The following CNKSR3 variants were observed in gnomAD, a reference collection of about 807,000 sequenced individuals.
The protein encoded by CNKSR3 is connector enhancer of kinase suppressor of ras 3.
Under a neutral mutation model 67.7 loss-of-function variants are expected in CNKSR3, and 36 were observed. The observed-to-expected ratio is 0.53, with a 90% CI of 0.41 to 0.70. CNKSR3 has a LOEUF of 0.70. Among genes scored for constraint, CNKSR3 ranks in the 30% least tolerant of loss-of-function variants. The probability of loss-of-function intolerance (pLI) is 0.00; values close to 1 mark genes in which losing one functional copy is unlikely to be tolerated. For synonymous variants in CNKSR3, 281 were observed against 271.4 expected (o/e 1.04, Z -0.35); for missense variants, 630 against 695.2 (o/e 0.91, Z 1.05).
intron 1 of CNKSR3, among the ~76,000 whole-genome samples, chr6:154,486,264 T>C (rs1048382452): frequency 1.3e-5 from 2 of 151,692 alleles, no homozygotes; most frequent in East Asian, 3.9e-4. Flanking sequence ...TTTAAAAAGG[T>C]ACAACTGTCT....
chr6:154,510,608 T>C lies in CNKSR3; in HGVS notation c.-494A>G, dbSNP rs1305696798. The C allele has an allele frequency of 4.8e-5, 8 of 166,576 alleles. No individual in the cohort carries two copies. The highest frequency in any genetic ancestry group is 1.7e-4 in the African/African-American group (7 of 41,648). The allele number at this position is 166,576 out of a possible 1,614,324, so 10.3% of individuals were successfully genotyped here. ...TCCCACCTCCTGCGCCGCCCTCCCG[T>C]GCCGCCCTGGCAGGGCCGAGCGCAG... On this transcript the variant is annotated 5_prime_UTR_variant, in exon 1 of 13. Transcript: ENST00000607772.
intron 1 of CNKSR3, among the ~76,000 whole-genome samples, chr6:154,507,896 A>G (rs923971448): frequency 1.3e-5 from 2 of 152,228 alleles, no homozygotes; most frequent in South Asian, 4.1e-4. Flanking sequence ...AATACTCAAC[A>G]AACATAACAG....
intron 7 of CNKSR3, among the ~76,000 whole-genome samples, chr6:154,427,464 A>G (rs914856604): frequency 5.9e-5 from 9 of 152,246 alleles, no homozygotes; most frequent in African/African-American, 2.2e-4. Flanking sequence ...GTCTTTCAAA[A>G]GCAAGCCACA....
At chr6:154,484,820 T>C (rs1290589582) in intron 1 of CNKSR3, among the ~76,000 whole-genome samples, 1 of 142,532 alleles carries the variant, frequency 7.0e-6, no homozygotes, top group African/African-American at 2.6e-5. Context: ...ATTGTTACCA[T>C]CTGGATGGAG....
chr6:154,406,547 T>A lies in CNKSR3; in HGVS notation c.1475A>T (p.His492Leu), dbSNP rs566538600. 1.2e-6 allele frequency: 2 copies of A among 1,614,226 alleles called. No individual in the cohort carries two copies. Among genetic ancestry groups the A allele is most frequent in the East Asian group, 4.5e-5 (2 of 44,880 alleles). Reference sequence around the variant, plus strand: ...GATGTAGTCCGCACCCCGGACCAGATGCCGCTCGGTCGTGGGTCTGGAGAA... The same window carrying A: ...GATGTAGTCCGCACCCCGGACCAGAAGCCGCTCGGTCGTGGGTCTGGAGAA... ...YRFSRPTTERHLVRGADYIRG... is the reference protein window; with the variant it reads ...YRFSRPTTERLLVRGADYIRG... The change falls in exon 13 of 13, where the codon CAT (histidine) becomes CTT (leucine). Residue 492 changes from histidine (H) to leucine (L), a missense_variant. Coordinates refer to ENST00000607772, the MANE Select transcript of CNKSR3 (RefSeq NM_173515.4).
At chr6:154,423,033 C>A (rs1584066747) in intron 7 of CNKSR3, 50 bp from the exon 8 acceptor site, 2 of 1,202,382 alleles carry the variant, frequency 1.7e-6, no homozygotes, top group East Asian at 2.4e-5. Flanking sequence ...CCTTCTATTT[C>A]TTTCTGCTTT....
At chr6:154,471,608 G>C (rs1364963286) in intron 1 of CNKSR3, among the ~76,000 whole-genome samples, 1 of 152,082 alleles carries the variant, frequency 6.6e-6, no homozygotes. Flanking sequence ...TGTCTCCCAG[G>C]GCCTGCTTAT....
intron 7 of CNKSR3, among the ~76,000 whole-genome samples, chr6:154,427,315 G>T (rs1785276627): frequency 6.6e-6 from 1 of 152,148 alleles, no homozygotes; most frequent in Non-Finnish European, 1.5e-5. Context: ...GATTAGAAAA[G>T]CAGCTACTAA....
intron 1 of CNKSR3, among the ~76,000 whole-genome samples, chr6:154,482,133 T>C (rs1786579159): frequency 6.6e-6 from 1 of 152,214 alleles, no homozygotes; most frequent in Non-Finnish European, 1.5e-5. Context: ...CTTTGTAAAA[T>C]TATGAAACAA....
chr6:154,454,544 T>C (rs1469184168), intron 1 of CNKSR3, among the ~76,000 whole-genome samples: 3 of 152,090 alleles, frequency 2.0e-5, no homozygotes, highest in Non-Finnish European at 4.4e-5. Flanking sequence ...AATTTGTTGT[T>C]TGTTTGTTTG....
intron 1 of CNKSR3, among the ~76,000 whole-genome samples, chr6:154,492,674 A>T (rs1485141323): frequency 4.6e-5 from 7 of 151,242 alleles, no homozygotes; most frequent in Admixed American, 2.6e-4. Context: ...TGAACCCAGG[A>T]GACGGAGACT....
At chr6:154,487,060 TGC>T (rs1229315241) in intron 1 of CNKSR3, among the ~76,000 whole-genome samples, 1 of 151,584 alleles carries the variant, frequency 6.6e-6, no homozygotes, top group Non-Finnish European at 1.5e-5. Flanking sequence ...TACAGGCACG[TGC>T]CACCACACCC....
intron 4 of CNKSR3, 85 bp downstream of exon 4, chr6:154,441,207 T>A (rs1785573276): frequency 1.0e-6 from 1 of 954,284 alleles, no homozygotes; most frequent in Non-Finnish European, 1.5e-6. Flanking sequence ...TAGTACTTCA[T>A]ACCTGCATGA....
At chr6:154,433,655 G>A in intron 4 of CNKSR3, 148 bp from the exon 5 acceptor site, 1 of 625,962 alleles carries the variant, frequency 1.6e-6, no homozygotes, top group Non-Finnish European at 2.9e-6. Context: ...ACTGGGATGG[G>A]AATGAGAGGG....
chr6:154,474,381 C>T (rs1165832729), intron 1 of CNKSR3, among the ~76,000 whole-genome samples: 1 of 150,268 alleles, frequency 6.7e-6, no homozygotes, highest in Non-Finnish European at 1.5e-5. Context: ...CCACTGCACT[C>T]CAGCCCGGGT....
At chr6:154,495,299 T>C (rs1411088047) in intron 1 of CNKSR3, among the ~76,000 whole-genome samples, 2 of 152,056 alleles carry the variant, frequency 1.3e-5, no homozygotes, top group African/African-American at 4.8e-5. Flanking sequence ...GAGATTGGTA[T>C]CTGTAAATTG....
At chr6:154,430,418 A>G in intron 6 of CNKSR3, 54 bp downstream of exon 6, 2 of 1,513,914 alleles carry the variant, frequency 1.3e-6, no homozygotes, top group Non-Finnish European at 1.8e-6. Context: ...TTAAAAATTT[A>G]GTAAATGATG....
At chr6:154,468,315 A>G (rs942494051) in intron 1 of CNKSR3, among the ~76,000 whole-genome samples, 15 of 150,770 alleles carry the variant, frequency 9.9e-5, no homozygotes, top group African/African-American at 3.2e-4. Flanking sequence ...CTTGGCCTCA[A>G]GCAGTCCACC....
intron 1 of CNKSR3, among the ~76,000 whole-genome samples, chr6:154,509,036 C>A (rs938617667): frequency 6.6e-6 from 1 of 151,140 alleles, no homozygotes; most frequent in Non-Finnish European, 1.5e-5. Flanking sequence ...CTGTAAAGCG[C>A]TACACAATTC....
Sources: gnomAD v4.1 joint callset for allele counts (sites outside exome capture counted in the v4.1 genomes callset) on GRCh38, gnomAD v4.1.1 for gene constraint, MANE v1.5 for transcripts, NCBI Gene and HGNC (gene_info 2026-07-23, HGNC 2026-07-21) for gene names.